The following CTNNA3 variants were observed in gnomAD, a reference collection of about 807,000 sequenced individuals.
CTNNA3 encodes the protein catenin alpha-3.
CTNNA3 carries 76 observed loss-of-function variants against 95.7 expected under a neutral mutation model. The observed-to-expected ratio is 0.79, with a 90% CI of 0.66 to 0.96. The LOEUF is 0.96. Among genes scored for constraint, CTNNA3 ranks in the 40% least tolerant of loss-of-function variants. The pLI is 0.00. For missense variants in CTNNA3, 1,191 were observed against 1,089.8 expected, an observed-to-expected ratio of 1.09 and a Z score of -1.31; for synonymous variants, 431 against 374.4, an observed-to-expected ratio of 1.15 and a Z score of -1.74.
At chr10:67,275,713 C>T (rs1157836439) in intron 5 of CTNNA3, among the ~76,000 whole-genome samples, 2 of 152,112 alleles carry the variant, frequency 1.3e-5, no homozygotes, top group East Asian at 3.8e-4. Context: ...GCTTAGGAGG[C>T]ATGTATCACA....
At chr10:67,365,375 G>A (rs1183804115) in intron 5 of CTNNA3, among the ~76,000 whole-genome samples, 1 of 152,090 alleles carries the variant, frequency 6.6e-6, no homozygotes, top group Non-Finnish European at 1.5e-5. Flanking sequence ...ATAGACAAAT[G>A]GGATCTAATT....
At chr10:67,118,785 T>C (rs1757728637) in intron 7 of CTNNA3, among the ~76,000 whole-genome samples, 1 of 151,882 alleles carries the variant, frequency 6.6e-6, no homozygotes, top group African/African-American at 2.4e-5. Context: ...CATTTCTCAA[T>C]CCTAGTCCAT....
chr10:66,380,307 G>A (rs2421453), intron 11 of CTNNA3, among the ~76,000 whole-genome samples: 96,810 of 151,362 alleles, frequency 0.64, 32,445 homozygotes, highest in East Asian at 0.88. Context: ...CTTCCCTCTT[G>A]TCGTCCAAAA....
At chr10:66,590,980 T>G (rs1346159531) in intron 10 of CTNNA3, among the ~76,000 whole-genome samples, 2 of 152,166 alleles carry the variant, frequency 1.3e-5, no homozygotes, top group African/African-American at 2.4e-5. Flanking sequence ...TACGGTTTAC[T>G]GAGTGGGAGT....
At chr10:66,074,069 T>A in intron 14 of CTNNA3, among the ~76,000 whole-genome samples, 1 of 152,002 alleles carries the variant, frequency 6.6e-6, no homozygotes, top group Non-Finnish European at 1.5e-5. Context: ...TTGCCCATGT[T>A]TTAATCTTAT....
chr10:67,280,570 C>T (rs1355967061), intron 5 of CTNNA3, among the ~76,000 whole-genome samples: 1 of 151,758 alleles, frequency 6.6e-6, no homozygotes, highest in Non-Finnish European at 1.5e-5. Context: ...AGACTGAATA[C>T]CAGGTCACCA....
intron 7 of CTNNA3, among the ~76,000 whole-genome samples, chr10:67,006,878 C>T (rs1181859279): frequency 3.3e-5 from 5 of 152,080 alleles, no homozygotes; most frequent in African/African-American, 1.2e-4. Flanking sequence ...ACTGACACCT[C>T]TACTTCCCGG....
chr10:67,094,839 A>G lies in CTNNA3; in HGVS notation c.1047+85478T>C, dbSNP rs544114503. ...TGAGTAAATGTACACACATGTGCATACATATACCATATCATGTATATATCC... is the reference window on the plus strand; with the variant it reads ...TGAGTAAATGTACACACATGTGCATGCATATACCATATCATGTATATATCC... On this transcript the variant is annotated intron_variant, in intron 7 of 17. Coordinates refer to ENST00000433211, the MANE Select transcript of CTNNA3 (RefSeq NM_013266.4). 1.7e-4 allele frequency among the ~76,000 whole-genome samples: 26 copies of G among 151,888 alleles called. No individual in the cohort carries two copies. In the East Asian group the frequency reaches 4.9e-3, roughly 28 times the overall value.
At chr10:65,988,825 G>T (rs759055268) in intron 15 of CTNNA3, 28 bp from the exon 16 acceptor site, 2 of 1,525,150 alleles carry the variant, frequency 1.3e-6, no homozygotes, top group Non-Finnish European at 1.8e-6. Flanking sequence ...TATGTTAGCT[G>T]TGGTGTTCAT....
chr10:67,535,628 G>A (rs576057678), intron 4 of CTNNA3, among the ~76,000 whole-genome samples: 1 of 152,102 alleles, frequency 6.6e-6, no homozygotes, highest in East Asian at 1.9e-4. Context: ...GGATGTAATT[G>A]TCCATTTATA....
intron 12 of CTNNA3, among the ~76,000 whole-genome samples, chr10:66,340,698 A>C (rs2132352709): frequency 6.6e-6 from 1 of 151,838 alleles, no homozygotes; most frequent in South Asian, 2.1e-4. Context: ...CATATTTATC[A>C]TTTGATGAGA....
chr10:67,624,452 C>A (rs1190582760), intron 2 of CTNNA3, among the ~76,000 whole-genome samples: 1 of 152,232 alleles, frequency 6.6e-6, no homozygotes, highest in African/African-American at 2.4e-5. Context: ...CCCTATCTCC[C>A]CTCCTCTATG....
intron 5 of CTNNA3, among the ~76,000 whole-genome samples, chr10:67,248,865 A>G (rs1354845564): frequency 6.6e-6 from 1 of 152,202 alleles, no homozygotes; most frequent in Non-Finnish European, 1.5e-5. Context: ...TTGGAATGCT[A>G]AGGATGTGGG....
chr10:66,981,123 C>T lies in CTNNA3; in HGVS notation c.1047+199194G>A, dbSNP rs566524723. Among the ~76,000 whole-genome samples, 8 of 152,162 alleles carry T rather than the reference C, an allele frequency of 5.3e-5. 1 individual carries two copies. In the South Asian group the frequency reaches 1.7e-3, roughly 32 times the overall value. ...TTCTCCATGTTGGTCAGGCTGGTCTCGAACTCCTAACCTCATGTGATCCAC... is the reference window on the plus strand; with the variant it reads ...TTCTCCATGTTGGTCAGGCTGGTCTTGAACTCCTAACCTCATGTGATCCAC... On this transcript the variant is annotated intron_variant, in intron 7 of 17. Coordinates refer to ENST00000433211, the MANE Select transcript of CTNNA3 (RefSeq NM_013266.4).
At chr10:66,050,339 A>T (rs1030944607) in intron 15 of CTNNA3, among the ~76,000 whole-genome samples, 45 of 44,172 alleles carry the variant, frequency 1.0e-3, no homozygotes, top group African/African-American at 2.5e-3. Flanking sequence ...ACATTTCAGT[A>T]AAAAAAAAAA....
intron 5 of CTNNA3, among the ~76,000 whole-genome samples, chr10:67,376,967 T>A (rs551003479): frequency 6.6e-6 from 1 of 152,330 alleles, no homozygotes; most frequent in East Asian, 1.9e-4. Context: ...TTGAATCTGC[T>A]CAGCGCCATC....
chr10:66,069,333 T>A lies in CTNNA3; in HGVS notation c.2134A>T (p.Met712Leu). 6.2e-7 allele frequency: 1 copy of A among 1,613,556 alleles called. No homozygotes were observed. Residue 712 changes from methionine (M) to leucine (L), a missense_variant, in exon 15 of 18, where the codon ATG (methionine) becomes TTG (leucine). Met to Leu is a conservative substitution (Grantham distance 15, BLOSUM62 2). Transcript: ENST00000433211. ...CTAGTGAAGTCTGTCATCTCCATCA[T>A]GATCATACACATGTTCTTGGCCAGA... is the stretch of plus-strand genomic sequence containing the variant. ...IVLAKNMCMI[M>L]MEMTDFTRGK...
chr10:66,479,993 A>G (rs1223877962), intron 11 of CTNNA3, among the ~76,000 whole-genome samples: 1 of 145,680 alleles, frequency 6.9e-6, no homozygotes, highest in Non-Finnish European at 1.5e-5. Flanking sequence ...AGAACTTTCA[A>G]CTCAGCCCAG....
chr10:67,734,837 T>C (rs7095525), intron 1 of CTNNA3, among the ~76,000 whole-genome samples: 4,730 of 152,190 alleles, frequency 0.031, 244 homozygotes, highest in African/African-American at 0.11. Context: ...TGGAGAATTA[T>C]AAATAATCTA....
Sources: gnomAD v4.1 joint callset for allele counts (sites outside exome capture counted in the v4.1 genomes callset) on GRCh38, gnomAD v4.1.1 for gene constraint, MANE v1.5 for transcripts, NCBI Gene and HGNC (gene_info 2026-07-23, HGNC 2026-07-21) for gene names.